DNAJB4: variants seen among roughly 807,000 people sequenced by gnomAD.
DNAJB4 encodes dnaJ homolog subfamily B member 4.
In DNAJB4, 10 loss-of-function variants were observed where a neutral mutation model predicts 26.6. The ratio of observed to expected loss-of-function variants is 0.38; its 90% CI spans 0.23 to 0.64. DNAJB4 has a LOEUF of 0.64. Among genes scored for constraint, DNAJB4 ranks in the 30% least tolerant of loss-of-function variants. DNAJB4 has a pLI of 0.58. For missense variants in DNAJB4, 328 were observed against 408.2 expected (o/e 0.80, Z 1.69); for synonymous variants, 136 against 134.8 (o/e 1.01, Z -0.06).
chr1:78,002,334 AT>A (rs1328731760), upstream of DNAJB4, among the ~76,000 whole-genome samples: 2 of 152,126 alleles, frequency 1.3e-5, no homozygotes, highest in Non-Finnish European at 2.9e-5. Flanking sequence ...GATGACCAAG[AT>A]TTAATGTAAA....
At chr1:77,982,213 A>G (rs1308692761) in intron 1 of DNAJB4, among the ~76,000 whole-genome samples, 3 of 152,212 alleles carry the variant, frequency 2.0e-5, no homozygotes, top group Non-Finnish European at 2.9e-5. Flanking sequence ...CTTGTTTCCT[A>G]GATGTTTCCA....
intron 1 of DNAJB4, among the ~76,000 whole-genome samples, chr1:77,987,964 A>G (rs1659834757): frequency 6.8e-6 from 1 of 147,836 alleles, no homozygotes; most frequent in African/African-American, 2.5e-5. Context: ...TACATAATAT[A>G]TATGCATACA....
chr1:77,987,888 G>A (rs1326997226), intron 1 of DNAJB4, among the ~76,000 whole-genome samples: 1 of 148,998 alleles, frequency 6.7e-6, no homozygotes, highest in Non-Finnish European at 1.5e-5. Flanking sequence ...GGCACCCTAA[G>A]CCATATGTAT....
At chr1:78,003,548 C>G (rs1049378978), upstream of DNAJB4, among the ~76,000 whole-genome samples, 1 of 152,084 alleles carries the variant, frequency 6.6e-6, no homozygotes, top group African/African-American at 2.4e-5. Context: ...GATTATTACC[C>G]TTTATTATAT....
At chr1:77,994,583 CTTTT>C (rs5775435) in intron 1 of DNAJB4, among the ~76,000 whole-genome samples, 12 of 142,124 alleles carry the variant, frequency 8.4e-5, no homozygotes, top group Admixed American at 6.3e-4. Context: ...TACTCTCTCT[CTTTT>C]TTTTTTTTTT....
rs1303246888 is a variant in DNAJB4, at chr1:78,017,703, C to T, written c.*1456C>T. 10 of 151,510 alleles carry T rather than the reference C, an allele frequency of 6.6e-5. No homozygotes were observed. 9.4% of individuals were successfully genotyped at this position (151,510 alleles called of 1,614,324 possible). ...CAGCCCCTGAAAACACTACCATCTACTTTTCATCTGTATGGATTTGTCTGT... is the reference window on the plus strand; with the variant it reads ...CAGCCCCTGAAAACACTACCATCTATTTTTCATCTGTATGGATTTGTCTGT... On this transcript the variant is annotated 3_prime_UTR_variant, in exon 3 of 3. Transcript: ENST00000370763.
At chr1:78,000,845 G>A (rs780268547), upstream of DNAJB4, among the ~76,000 whole-genome samples, 3 of 152,124 alleles carry the variant, frequency 2.0e-5, no homozygotes, top group African/African-American at 7.2e-5. Context: ...TTAGCTGGGC[G>A]TGGTGGCACG....
intron 1 of DNAJB4, among the ~76,000 whole-genome samples, chr1:78,011,558 C>T (rs1397349451): frequency 6.7e-6 from 1 of 150,044 alleles, no homozygotes; most frequent in African/African-American, 2.5e-5. Flanking sequence ...AGTCTTGGCT[C>T]ACTGTAACCT....
At chr1:77,997,371 A>G (rs1660088420) in intron 1 of DNAJB4, among the ~76,000 whole-genome samples, 1 of 151,496 alleles carries the variant, frequency 6.6e-6, no homozygotes, top group Admixed American at 6.6e-5. Context: ...CTATATATAT[A>G]TTAGCAAGAT....
chr1:77,987,512 G>C (rs1193764113), intron 1 of DNAJB4, among the ~76,000 whole-genome samples: 1 of 152,100 alleles, frequency 6.6e-6, no homozygotes, highest in African/African-American at 2.4e-5. Context: ...CAGTCCTTCT[G>C]CCTTGGCCTC....
At position 78,016,335 on chromosome 1, in the gene DNAJB4, T is replaced by A; in HGVS notation, c.*88T>A. The A allele has an allele frequency of 1.8e-6, 2 of 1,103,616 alleles. 1 individual carries two copies. The highest frequency in any genetic ancestry group is 3.1e-5 in the South Asian group (2 of 64,158). The allele number at this position is 1,103,616 out of a possible 1,614,324, so 68.4% of individuals were successfully genotyped here. A position where few individuals can be genotyped will look rare whatever the true frequency, so the allele number is the denominator to read the frequency against. On this transcript the variant is annotated 3_prime_UTR_variant, in exon 3 of 3. Transcript: ENST00000370763. ...TACTGATGTAGATGTGAATTCTGTA[T>A]AAAGATGTGTAAATTCTTTTGAGGG... is the stretch of plus-strand genomic sequence containing the variant.
chr1:78,015,970 G>T lies in DNAJB4; in HGVS notation c.781-44G>T, dbSNP rs756259102. Reference sequence around the variant, plus strand: ...TGGTAAAATTTGTGCTTAGATTTTTGAGTTTTGAAGTGTTTTCATTTTATT... The same window carrying T: ...TGGTAAAATTTGTGCTTAGATTTTTTAGTTTTGAAGTGTTTTCATTTTATT... On this transcript the variant is annotated intron_variant, in intron 2 of 2. Coordinates refer to ENST00000370763, the MANE Select transcript of DNAJB4 (RefSeq NM_007034.5). 62 of 1,526,864 alleles carry T rather than the reference G, an allele frequency of 4.1e-5. No homozygotes were observed. In the African/African-American group the frequency reaches 7.1e-4, roughly 17 times the overall value. The allele number at this position is 1,526,864 out of a possible 1,614,324, so 94.6% of individuals were successfully genotyped here. A position where few individuals can be genotyped will look rare whatever the true frequency, so the allele number is the denominator to read the frequency against.
At chr1:77,997,314 C>CAAAA (rs371562329) in intron 1 of DNAJB4, among the ~76,000 whole-genome samples, 96 of 67,648 alleles carry the variant, frequency 1.4e-3, no homozygotes, top group African/African-American at 4.1e-3. Context: ...CCTGTCTCTA[C>CAAAA]AAAAAAAAAA....
chr1:77,994,585 T>C (rs1205472294), intron 1 of DNAJB4, among the ~76,000 whole-genome samples: 3 of 2,226 alleles, frequency 1.3e-3, no homozygotes, highest in African/African-American at 4.0e-3. Context: ...CTCTCTCTCT[T>C]TTTTTTTTTT....
intron 1 of DNAJB4, among the ~76,000 whole-genome samples, chr1:77,982,385 A>G (rs1056754017): frequency 2.0e-5 from 3 of 152,158 alleles, no homozygotes; most frequent in Non-Finnish European, 4.4e-5. Context: ...CTTCTATTAC[A>G]TTTATCTTTT....
At chr1:77,997,631 T>C (rs563861738) in intron 1 of DNAJB4, among the ~76,000 whole-genome samples, 1 of 152,324 alleles carries the variant, frequency 6.6e-6, no homozygotes, top group South Asian at 2.1e-4. Context: ...TTTTATGCTC[T>C]TTTGCTTCTT....
In DNAJB4 at chr1:78,016,782, G is replaced by A. The variant is rs1322607080; in HGVS notation, c.*535G>A. Reference sequence around the variant, plus strand: ...CTGTTTCACCATTTTGATTTTTAAAGTATGCTGTAGCATTTCTTAATAACA... The same window carrying A: ...CTGTTTCACCATTTTGATTTTTAAAATATGCTGTAGCATTTCTTAATAACA... On this transcript the variant is annotated 3_prime_UTR_variant, in exon 3 of 3. Transcript: ENST00000370763. 6.6e-6 allele frequency: 1 copy of A among 152,426 alleles called. No individual in the cohort carries two copies. The highest frequency in any genetic ancestry group is 1.5e-5 in the Non-Finnish European group (1 of 68,260). 9.4% of individuals were successfully genotyped at this position (152,426 alleles called of 1,614,324 possible).
intron 1 of DNAJB4, among the ~76,000 whole-genome samples, chr1:77,985,287 G>T (rs112733712): frequency 0.024 from 3,690 of 152,110 alleles, 50 homozygotes; most frequent in Middle Eastern, 0.065. Flanking sequence ...TTGCTTCTCT[G>T]TTCTGACATT....
At chr1:77,994,870 G>A (rs114161156) in intron 1 of DNAJB4, among the ~76,000 whole-genome samples, 53 of 152,180 alleles carry the variant, frequency 3.5e-4, no homozygotes, top group African/African-American at 1.2e-3. Context: ...TATTTTATAA[G>A]TAAAATAGAG....
Sources: allele counts gnomAD v4.1 joint callset (sites outside exome capture counted in the v4.1 genomes callset), GRCh38; gene constraint gnomAD v4.1.1; transcripts MANE v1.5; gene names NCBI Gene and HGNC (gene_info 2026-07-23, HGNC 2026-07-21).